RUBCNL: variants seen among roughly 807,000 people sequenced by gnomAD.
The protein encoded by RUBCNL is protein associated with UVRAG as autophagy enhancer.
Under a neutral mutation model 69.5 loss-of-function variants are expected in RUBCNL, and 62 were observed. The ratio of observed to expected loss-of-function variants is 0.89; its 90% CI spans 0.73 to 1.10. The LOEUF (loss-of-function observed/expected upper bound fraction) is 1.10, where lower values mean the gene tolerates loss of function less well. Among genes scored for constraint, RUBCNL ranks in the 50% least tolerant of loss-of-function variants. RUBCNL has a pLI of 0.00. For missense variants in RUBCNL, 768 were observed against 798.1 expected (o/e 0.96, Z 0.45); for synonymous variants, 291 against 303.6 (o/e 0.96, Z 0.43).
intron 11 of RUBCNL, 132 bp from the exon 12 acceptor site, chr13:46,349,479 C>T (rs2048322630): frequency 5.0e-6 from 4 of 806,096 alleles, no homozygotes; most frequent in South Asian, 1.6e-5. Flanking sequence ...GAAAGCAAAC[C>T]GCCTATACAG....
At position 46,340,582 on chromosome 13, in the gene RUBCNL, G is replaced by A. The variant is rs1357883435; in HGVS notation, c.*2803C>T. Among the ~76,000 whole-genome samples the A allele has an allele frequency of 6.6e-6, 1 of 152,160 alleles. No individual in the cohort carries two copies. Among genetic ancestry groups the A allele is most frequent in the Non-Finnish European group, 1.5e-5 (1 of 68,028 alleles). On this transcript the variant is annotated 3_prime_UTR_variant, in exon 15 of 15. Transcript: ENST00000429979. ...TGTGTTGCTATAAAGGAATACCTGA[G>A]GCTGGGTGATTTATAAAGAAAAGAG...
At chr13:46,387,742 A>C (rs550842166), upstream of RUBCNL, 1 of 985,556 alleles carries the variant, frequency 1.0e-6, no homozygotes, top group South Asian at 4.7e-5. Flanking sequence ...AGTCCGACTC[A>C]TGTAGCACTT....
chr13:46,374,826 T>C (rs1268220111), intron 2 of RUBCNL, among the ~76,000 whole-genome samples: 1 of 152,202 alleles, frequency 6.6e-6, no homozygotes, highest in African/African-American at 2.4e-5. Context: ...TTGAACCCTA[T>C]AGGCTCCTTC....
At chr13:46,387,472 C>G (rs1476394671), upstream of RUBCNL, 1 of 985,454 alleles carries the variant, frequency 1.0e-6, no homozygotes, top group Non-Finnish European at 1.2e-6. Context: ...CGCACCTATG[C>G]GCGCCTCTGC....
intron 1 of RUBCNL, among the ~76,000 whole-genome samples, chr13:46,383,636 A>T (rs945618463): frequency 6.6e-6 from 1 of 152,216 alleles, no homozygotes; most frequent in Non-Finnish European, 1.5e-5. Context: ...TGGTTTCTAC[A>T]CAGCAACATC....
chr13:46,379,880 C>T (rs1279577866), intron 1 of RUBCNL, among the ~76,000 whole-genome samples: 1 of 152,150 alleles, frequency 6.6e-6, no homozygotes, highest in East Asian at 1.9e-4. Context: ...ATTCACATCC[C>T]AAAGAGAATA....
intron 12 of RUBCNL, 21 bp downstream of exon 12, chr13:46,349,265 T>C (rs757916042): frequency 6.2e-7 from 1 of 1,610,216 alleles, no homozygotes; most frequent in Admixed American, 1.7e-5. Context: ...GAAGGCAGCC[T>C]GTCCCAGCTG....
At chr13:46,343,552 T>C (rs2048179230) in intron 14 of RUBCNL, 55 bp from the exon 15 acceptor site, 1 of 1,561,930 alleles carries the variant, frequency 6.4e-7, no homozygotes, top group African/African-American at 1.4e-5. Context: ...TTCTCACATT[T>C]CTGCAGACAT....
chr13:46,385,258 G>A, intron 1 of RUBCNL: 5 of 983,040 alleles, frequency 5.1e-6, no homozygotes, highest in Non-Finnish European at 4.8e-6. Flanking sequence ...CAGAGACCTG[G>A]TTTTATTTTC....
chr13:46,377,877 G>C lies in RUBCNL; in HGVS notation c.-123+13C>G. The C allele has an allele frequency of 6.5e-7, 1 of 1,531,182 alleles. No individual in the cohort carries two copies. Among genetic ancestry groups the C allele is most frequent in the Middle Eastern group, 1.7e-4 (1 of 5,902 alleles). The allele number at this position is 1,531,182 out of a possible 1,614,324, so 94.8% of individuals were successfully genotyped here. ...TGGCAGAGAGAAGACAAAAGGCCAG[G>C]TCGGACACTCACCAGGAGTATGAAT... On this transcript the variant is annotated intron_variant, in intron 2 of 14. Coordinates refer to ENST00000429979, the MANE Select transcript of RUBCNL (RefSeq NM_025113.5).
Position 46,335,243 on chromosome 13 carries a change from TTG to T in RUBCNL, c.*8140_*8141del, listed in dbSNP as rs375821338. On this transcript the variant is annotated 3_prime_UTR_variant, in exon 15 of 15. Transcript: ENST00000429979. ...TTGTGCCCAGCTAATTTGTGTCTTT[TTG>T]TTGTTGTTGTTGTTGTTTTTTTTTT... Among the ~76,000 whole-genome samples the T allele has an allele frequency of 3.8e-3, 468 of 123,276 alleles. 17 individuals are homozygous for T. Among genetic ancestry groups the T allele is most frequent in the African/African-American group, 0.013 (437 of 34,010 alleles). The allele number at this position is 123,276 out of a possible 152,430, so 80.9% of individuals were successfully genotyped here.
At chr13:46,388,780 G>A (rs538936856), upstream of RUBCNL, among the ~76,000 whole-genome samples, 2 of 152,334 alleles carry the variant, frequency 1.3e-5, no homozygotes, top group African/African-American at 4.8e-5. Context: ...AGAGGCACTG[G>A]TAATTTGGCT....
chr13:46,387,258 G>A (rs1869326014), upstream of RUBCNL: 2 of 985,298 alleles, frequency 2.0e-6, no homozygotes, highest in Non-Finnish European at 2.4e-6. Context: ...AGGGGAGGGA[G>A]GAGAGCTACC....
At chr13:46,377,383 C>T (rs1395189948) in intron 2 of RUBCNL, among the ~76,000 whole-genome samples, 2 of 152,214 alleles carry the variant, frequency 1.3e-5, no homozygotes, top group African/African-American at 2.4e-5. Context: ...CATGCCTCAG[C>T]CTCCCTAGCA....
chr13:46,385,213 A>G (rs2049212483), intron 1 of RUBCNL: 2 of 888,960 alleles, frequency 2.2e-6, no homozygotes, highest in African/African-American at 1.8e-5. Context: ...ATTATTGCAG[A>G]AAGACTTTCA....
At chr13:46,388,896 T>A (rs1369036355), upstream of RUBCNL, among the ~76,000 whole-genome samples, 1 of 152,224 alleles carries the variant, frequency 6.6e-6, no homozygotes, top group Non-Finnish European at 1.5e-5. Context: ...AAAAGTCAGA[T>A]GAATACTAGC....
At chr13:46,376,613 A>G (rs2049000282) in intron 2 of RUBCNL, among the ~76,000 whole-genome samples, 1 of 152,226 alleles carries the variant, frequency 6.6e-6, no homozygotes, top group Non-Finnish European at 1.5e-5. Context: ...AAAGGAAACC[A>G]TGACTACATT....
intron 10 of RUBCNL, chr13:46,354,844 C>G: frequency 2.2e-6 from 1 of 456,738 alleles, no homozygotes; most frequent in Non-Finnish European, 4.4e-6. Context: ...TGCAGACACA[C>G]ATCTCCATAC....
chr13:46,374,679 C>CA (rs2048950622), intron 2 of RUBCNL: 1 of 152,216 alleles, frequency 6.6e-6, no homozygotes, highest in Admixed American at 6.5e-5. Context: ...CGAAATCCCC[C>CA]AAAGGCTTCC....
Sources: allele counts gnomAD v4.1 joint callset (sites outside exome capture counted in the v4.1 genomes callset), GRCh38; gene constraint gnomAD v4.1.1; transcripts MANE v1.5; gene names NCBI Gene and HGNC (gene_info 2026-07-23, HGNC 2026-07-21).